Variants in NOA1 observed in about 807,000 individuals in gnomAD.
NOA1 encodes the protein nitric oxide-associated protein 1.
A neutral mutation model predicts 58.4 loss-of-function variants in NOA1; 35 were observed. The ratio of observed to expected loss-of-function variants is 0.60; its 90% confidence interval spans 0.46 to 0.79. The LOEUF is 0.79. NOA1 is among the 30% of genes least tolerant of loss of function. The probability of loss-of-function intolerance (pLI) is 0.00; values close to 1 mark genes in which losing one functional copy is unlikely to be tolerated. For synonymous variants in NOA1, 397 were observed against 373.4 expected, an observed-to-expected ratio of 1.06 and a Z score of -0.73; for missense variants, 895 against 894.6, an observed-to-expected ratio of 1.00 and a Z score of -0.01.
intron 3 of NOA1, among the ~76,000 whole-genome samples, chr4:56,969,389 A>G (rs1721773276): frequency 6.6e-6 from 1 of 152,026 alleles, no homozygotes; most frequent in South Asian, 2.1e-4. Context: ...CCTGAACAAC[A>G]TGGAGAAAGC....
intron 4 of NOA1, 93 bp from the exon 5 acceptor site, chr4:56,966,829 A>T (rs1721720778): frequency 6.3e-6 from 5 of 791,386 alleles, no homozygotes; most frequent in Non-Finnish European, 1.1e-5. Flanking sequence ...CAAACCAAAA[A>T]ACAAAAACCC....
chr4:56,974,651 CAAAA>C (rs5858406), intron 1 of NOA1, among the ~76,000 whole-genome samples: 8 of 143,976 alleles, frequency 5.6e-5, no homozygotes, highest in Non-Finnish European at 9.1e-5. Flanking sequence ...GCCTCTGTCT[CAAAA>C]AAAAAAAAAA....
chr4:56,973,245 C>T lies in NOA1; in HGVS notation c.1418G>A (p.Gly473Asp), dbSNP rs1207087557. ...TACTTGTTTGGTGGATTTGTGTGTACCCATAACAGGGTCATTTTCCATGTC... is the reference window on the plus strand; with the variant it reads ...TACTTGTTTGGTGGATTTGTGTGTATCCATAACAGGGTCATTTTCCATGTC... ...AFDMENDPVM[G>D]THKSTKQVEL... is the part of the protein sequence containing the mutation. Residue 473 changes from glycine to aspartate, a missense_variant, in exon 3 of 7, where the codon GGT (glycine) becomes GAT (aspartate). Physicochemically the swap from Gly to Asp is moderately conservative, Grantham distance 94 (BLOSUM62 -1). Coordinates refer to ENST00000264230, the MANE Select transcript of NOA1 (RefSeq NM_032313.4). 8 of 1,614,028 alleles carry T rather than the reference C, an allele frequency of 5.0e-6. No homozygotes were observed. The highest frequency in any genetic ancestry group is 1.3e-5 in the African/African-American group (1 of 75,020).
chr4:56,977,176 C>T lies in NOA1; in HGVS notation c.410G>A (p.Ser137Asn). The T allele has an allele frequency of 6.4e-7, 1 of 1,561,832 alleles. No individual in the cohort carries two copies. The highest frequency in any genetic ancestry group is 8.6e-7 in the Non-Finnish European group (1 of 1,157,510). Residue 137 changes from serine to asparagine, a missense_variant, in exon 1 of 7, where the codon AGC becomes AAC. By Grantham distance (46) the Ser-to-Asn change is conservative. This residue lies in a region of NOA1 where 680 missense variants were observed against 656.5 expected (regional missense o/e 1.04). Coordinates refer to ENST00000264230, the MANE Select transcript of NOA1 (RefSeq NM_032313.4). Reference protein sequence around the residue: ...VGHPDPALPPSGVNCSGCGAE... With the variant: ...VGHPDPALPPNGVNCSGCGAE... Reference sequence around the variant, plus strand: ...CCCACAGCCCGAGCAGTTCACGCCGCTGGGCGGCAATGCCGGGTCCGGGTG... The same window carrying T: ...CCCACAGCCCGAGCAGTTCACGCCGTTGGGCGGCAATGCCGGGTCCGGGTG...
intron 4 of NOA1, 65 bp downstream of exon 4, chr4:56,968,319 T>C: frequency 6.7e-7 from 1 of 1,489,160 alleles, no homozygotes; most frequent in Non-Finnish European, 9.2e-7. Context: ...TGTTCATACA[T>C]CTGCTTCCTT....
At chr4:56,966,847 C>T in intron 4 of NOA1, 111 bp from the exon 5 acceptor site, 2 of 710,832 alleles carry the variant, frequency 2.8e-6, no homozygotes, top group Middle Eastern at 3.1e-4. Context: ...CCCAATCAGA[C>T]TCCCTTTATA....
intron 2 of NOA1, 135 bp downstream of exon 2, chr4:56,973,723 G>T: frequency 1.2e-6 from 1 of 827,158 alleles, no homozygotes; most frequent in Non-Finnish European, 1.9e-6. Flanking sequence ...TCGCTAAAGG[G>T]CCTCTTTGTT....
In NOA1 at chr4:56,966,603, A is replaced by G. The variant is rs774220849; in HGVS notation, c.1764+17T>C. 3 of 1,470,012 alleles carry G rather than the reference A, an allele frequency of 2.0e-6. No homozygotes were observed. The East Asian group carries it at 6.8e-5, about 33-fold the overall frequency. 91.1% of individuals were successfully genotyped at this position (1,470,012 alleles called of 1,614,324 possible). A position where few individuals can be genotyped will look rare whatever the true frequency, so the allele number is the denominator to read the frequency against. ...GTATACTAACCATAACCATGCAATC[A>G]AGGCATGTTGCCTTACCTGGAGTAA... On this transcript the variant is annotated intron_variant, in intron 5 of 6. Transcript: ENST00000264230.
Position 56,976,705 on chromosome 4 carries a change from G to C in NOA1, c.881C>G (p.Pro294Arg). The change falls in exon 1 of 7, where the codon CCA becomes CGA. Residue 294 changes from proline (P) to arginine (R), a missense_variant. Pro to Arg is a moderately radical substitution (Grantham distance 103). Around this residue, in one of 3 missense-constraint regions of NOA1, gnomAD observed 680 missense variants for 656.5 expected, o/e 1.04. Transcript: ENST00000264230. Reference protein sequence around the residue: ...QGPQRPVKDEPQDGENPNPPN... With the variant: ...QGPQRPVKDERQDGENPNPPN... The stretch of plus-strand genomic sequence containing the variant: ...CGGATTCGGATTCTCCCCGTCCTGT[G>C]GCTCGTCCTTGACGGGGCGCTGTGG... The C allele has an allele frequency of 6.2e-7, 1 of 1,613,202 alleles. No homozygotes were observed. Among genetic ancestry groups the C allele is most frequent in the African/African-American group, 1.3e-5 (1 of 75,054 alleles).
In NOA1 at chr4:56,966,658, C is replaced by T. The variant is rs781753631; in HGVS notation, c.1726G>A (p.Ala576Thr). The T allele has an allele frequency of 2.0e-5, 33 of 1,613,488 alleles. No individual in the cohort carries two copies. The highest frequency in any genetic ancestry group is 3.3e-5 in the Admixed American group (2 of 59,974). ...VHITSLDRAD[A>T]LYQKHAGHTL... ...TGACCTGCATGCTTCTGATACAGAG[C>T]GTCTGCCCTGTCCAAGGAGGTGATA... Residue 576 changes from alanine (A) to threonine (T), a missense_variant, in exon 5 of 7, where the codon GCT (alanine) becomes ACT (threonine). Around this residue, in one of 3 missense-constraint regions of NOA1, gnomAD observed 212 missense variants for 221.3 expected, o/e 0.96. Coordinates refer to ENST00000264230, the MANE Select transcript of NOA1 (RefSeq NM_032313.4).
In NOA1 at chr4:56,973,366, ATAGTAAGGTTAT is replaced by A. The variant is rs764405656; in HGVS notation, c.1310-25_1310-14del. 3.7e-6 allele frequency: 6 copies of A among 1,602,926 alleles called. No homozygotes were observed. The African/African-American group carries it at 6.7e-5, about 18-fold the overall frequency. ...CTTCCAACTCTTCCTAGAACAAGTTATAGTAAGGTTATTAGTCACTCCTTTAATACTTTTAAC... is the reference window on the plus strand; with the variant it reads ...CTTCCAACTCTTCCTAGAACAAGTTATAGTCACTCCTTTAATACTTTTAAC... On this transcript the variant is annotated splice_polypyrimidine_tract_variant and intron_variant, in intron 2 of 6. Transcript: ENST00000264230.
At chr4:56,976,321 G>T (rs1248112582) in intron 1 of NOA1, 121 bp downstream of exon 1, 4 of 805,396 alleles carry the variant, frequency 5.0e-6, no homozygotes, top group Admixed American at 2.9e-5. Flanking sequence ...GAGAGAATTT[G>T]TAAAGGGAAG....
chr4:56,964,487 G>A lies in NOA1; in HGVS notation c.1804C>T (p.Pro602Ser), dbSNP rs1223851746. The change falls in exon 6 of 7, where the codon CCT becomes TCT. Residue 602 changes from proline (P) to serine (S), a missense_variant. Pro to Ser is a moderately conservative substitution (Grantham distance 74, BLOSUM62 -1). This residue lies in a region of NOA1 where 212 missense variants were observed against 221.3 expected (regional missense o/e 0.96). Coordinates refer to ENST00000264230, the MANE Select transcript of NOA1 (RefSeq NM_032313.4). ...GGKERMAGFP[P>S]LVAEDIMLKE... The stretch of plus-strand genomic sequence containing the variant: ...AACATAATGTCTTCAGCAACAAGAG[G>A]AGGAAATCCTGCCATTCGTTCTTTT... The A allele has an allele frequency of 1.1e-5, 17 of 1,613,990 alleles. No homozygotes were observed. The highest frequency in any genetic ancestry group is 1.3e-5 in the Non-Finnish European group (15 of 1,180,002).
chr4:56,964,297 C>G (rs1721659417), intron 6 of NOA1, 109 bp downstream of exon 6: 1 of 1,307,742 alleles, frequency 7.6e-7, no homozygotes, highest in Non-Finnish European at 1.1e-6. Flanking sequence ...AAACTCCCGA[C>G]CTCAGGTGAT....
At position 56,964,741 on chromosome 4, in the gene NOA1, G is replaced by A. The variant is rs921675195; in HGVS notation, c.1765-215C>T. 4.6e-5 allele frequency among the ~76,000 whole-genome samples: 7 copies of A among 152,100 alleles called. No individual in the cohort carries two copies. The South Asian group carries it at 1.5e-3, about 32-fold the overall frequency. On this transcript the variant is annotated intron_variant, in intron 5 of 6. Coordinates refer to ENST00000264230, the MANE Select transcript of NOA1 (RefSeq NM_032313.4). ...GAAGCTTACAAATCTCAGGGCTCTGGGCCACACATTGGGCAAGCACCTGGC... is the reference window on the plus strand; with the variant it reads ...GAAGCTTACAAATCTCAGGGCTCTGAGCCACACATTGGGCAAGCACCTGGC...
intron 2 of NOA1, 86 bp from the exon 3 acceptor site, chr4:56,973,439 T>C: frequency 8.7e-7 from 1 of 1,154,222 alleles, no homozygotes; most frequent in African/African-American, 1.5e-5. Flanking sequence ...TCAAACAAGT[T>C]ACTAAGATTA....
In NOA1 at chr4:56,977,058, C is replaced by T. The variant is rs533491725; in HGVS notation, c.528G>A (p.Arg176=). Residue 176 remains arginine (R), a synonymous_variant, in exon 1 of 7, where the codon CGG becomes CGA. Coordinates refer to ENST00000264230, the MANE Select transcript of NOA1 (RefSeq NM_032313.4). The part of the protein sequence containing the change: ...RTAEADGGLA[R]TVCQRCWLLS... ...GCAGCCAGCAGCGCTGGCACACGGT[C>T]CGTGCCAGCCCGCCGTCTGCCTCCG... is the stretch of plus-strand genomic sequence containing the variant. The T allele has an allele frequency of 4.4e-5, 70 of 1,577,718 alleles. No homozygotes were observed. The highest frequency in any genetic ancestry group is 1.1e-4 in the Admixed American group (6 of 56,902).
At chr4:56,974,090 G>GGCGACCACCCA in intron 1 of NOA1, 68 bp from the exon 2 acceptor site, 1 of 812,218 alleles carries the variant, frequency 1.2e-6, no homozygotes, top group South Asian at 3.4e-5. Flanking sequence ...ACATTTTTGA[G>GGCGACCACCCA]GATCTACACT....
rs1237124650 is a variant in NOA1, at chr4:56,976,661, C to G, written c.925G>C (p.Val309Leu). Residue 309 changes from valine to leucine, a missense_variant, in exon 1 of 7, where the codon GTG becomes CTG. Val to Leu is a conservative substitution (Grantham distance 32). Transcript: ENST00000264230. ...CTGATCAGCCGCACGTCCCTGACCACTGTGCGGGACCAGTTCGGCGGATTC... is the reference window on the plus strand; with the variant it reads ...CTGATCAGCCGCACGTCCCTGACCAGTGTGCGGGACCAGTTCGGCGGATTC... ...NPNPPNWSRT[V>L]VRDVRLISAK... 6.2e-7 allele frequency: 1 copy of G among 1,614,034 alleles called. No individual in the cohort carries two copies. Among genetic ancestry groups the G allele is most frequent in the Non-Finnish European group, 8.5e-7 (1 of 1,179,914 alleles).
Sources: gnomAD v4.1 joint callset for allele counts (sites outside exome capture counted in the v4.1 genomes callset) on GRCh38, gnomAD v4.1.1 for gene constraint, gnomAD v4.1.1 regional missense constraint, MANE v1.5 for transcripts, NCBI Gene and HGNC (gene_info 2026-07-23, HGNC 2026-07-21) for gene names.